KIF1C: variants seen among roughly 807,000 people sequenced by gnomAD.
KIF1C encodes kinesin family member 1C, also known as kinesin-like protein KIF1C.
In KIF1C, 61 loss-of-function variants were observed where a neutral mutation model predicts 126.5. That is an observed-to-expected ratio of 0.48 (90% confidence interval 0.39 to 0.60). The LOEUF (loss-of-function observed/expected upper bound fraction) is 0.60, where lower values mean the gene tolerates loss of function less well. Among genes scored for constraint, KIF1C ranks in the 20% least tolerant of loss-of-function variants. KIF1C has a pLI of 0.00. For synonymous variants in KIF1C, 640 were observed against 580.6 expected, an observed-to-expected ratio of 1.10 and a Z score of -1.47; for missense variants, 1,315 against 1,489.2, an observed-to-expected ratio of 0.88 and a Z score of 1.93.
In KIF1C at chr17:5,023,733, C is replaced by T; in HGVS notation, c.2894C>T (p.Pro965Leu). Residue 965 changes from proline (P) to leucine (L), a missense_variant, in exon 23 of 23, where the codon CCC (proline) becomes CTC (leucine). By Grantham distance (98) the Pro-to-Leu change is moderately conservative. Around this residue, in one of 2 missense-constraint regions of KIF1C, gnomAD observed 441 missense variants for 436.1 expected, o/e 1.01. Coordinates refer to ENST00000320785, the MANE Select transcript of KIF1C (RefSeq NM_006612.6). The surrounding 1 kb of genome is among the most constrained non-coding windows in gnomAD (Gnocchi z 4.2). Reference sequence around the variant, plus strand: ...GGCCGGGGCGGGGGGCTGCGCAGGCCCCCAGCCCGCTTTGTGCCCCCTCAC... The same window carrying T: ...GGCCGGGGCGGGGGGCTGCGCAGGCTCCCAGCCCGCTTTGTGCCCCCTCAC... ...SGGRGGGLRR[P>L]PARFVPPHDC... is the part of the protein sequence containing the mutation. 1 of 1,527,906 alleles carries T rather than the reference C, an allele frequency of 6.5e-7. No homozygotes were observed. Among genetic ancestry groups the T allele is most frequent in the Non-Finnish European group, 8.8e-7 (1 of 1,140,424 alleles). 94.6% of individuals were successfully genotyped at this position (1,527,906 alleles called of 1,614,324 possible). A position where few individuals can be genotyped will look rare whatever the true frequency, so the allele number is the denominator to read the frequency against.
chr17:5,024,037 A>G lies in KIF1C; in HGVS notation c.3198A>G (p.Gln1066=), dbSNP rs143972053. 665 of 1,594,134 alleles carry G rather than the reference A, an allele frequency of 4.2e-4. 1 individual carries two copies. The highest frequency in any genetic ancestry group is 5.3e-4 in the Non-Finnish European group (624 of 1,169,604). The stretch of plus-strand genomic sequence containing the variant: ...ACAACTCTTATCCCCAGCCACCCCA[A>G]CCCTACCCAGCCCAGCGGCCCCCAG... ...KKHNSYPQPP[Q]PYPAQRPPGP... is the part of the protein sequence containing the mutation. The change falls in exon 23 of 23, where the codon CAA becomes CAG. Residue 1066 remains glutamine, a synonymous_variant. Transcript: ENST00000320785.
intron 8 of KIF1C, 58 bp from the exon 9 acceptor site, chr17:5,003,545 CTTCCCTGAT>C (rs1974654446): frequency 8.7e-7 from 1 of 1,154,754 alleles, no homozygotes; most frequent in Admixed American, 2.2e-5. Context: ...CTGCTGGGTG[CTTCCCTGAT>C]TTCCCTGCCC....
In KIF1C at chr17:5,026,882, A is replaced by T. The variant is rs1167300203; in HGVS notation, c.*2731A>T. 6.7e-6 allele frequency: 1 copy of T among 150,370 alleles called. No homozygotes were observed. Among genetic ancestry groups the T allele is most frequent in the Non-Finnish European group, 1.5e-5 (1 of 67,616 alleles). 9.3% of individuals were successfully genotyped at this position (150,370 alleles called of 1,614,324 possible). On this transcript the variant is annotated 3_prime_UTR_variant, in exon 23 of 23. Transcript: ENST00000320785. ...GTGGGAGCATCACTTGAGGCCAGGAATTTGAGACCAGCCTGGGCAACATAG... is the reference window on the plus strand; with the variant it reads ...GTGGGAGCATCACTTGAGGCCAGGATTTTGAGACCAGCCTGGGCAACATAG...
Position 5,000,222 on chromosome 17 carries a change from G to C in KIF1C, c.-25G>C. The C allele has an allele frequency of 6.6e-7, 1 of 1,510,652 alleles. No homozygotes were observed. Among genetic ancestry groups the C allele is most frequent in the Non-Finnish European group, 9.0e-7 (1 of 1,108,138 alleles). 93.6% of individuals were successfully genotyped at this position (1,510,652 alleles called of 1,614,324 possible). On this transcript the variant is annotated splice_region_variant and 5_prime_UTR_variant, in exon 3 of 23. It removes the in-frame stop codon of an upstream open reading frame in the 5' UTR. Coordinates refer to ENST00000320785, the MANE Select transcript of KIF1C (RefSeq NM_006612.6). ...CCACTCCTTTCTCTGTCCTCCAGCT[G>C]AGGAGGGCAGGAGTGTCTGGAGCTA...
At position 4,998,369 on chromosome 17, in the gene KIF1C, G is replaced by GC. The variant is rs1974446549; in HGVS notation, c.-149+214dup. On this transcript the variant is annotated intron_variant, in intron 1 of 22. Coordinates refer to ENST00000320785, the MANE Select transcript of KIF1C (RefSeq NM_006612.6). ...CCGCATGGCCGCCCTGAGAGGCCGG[G>GC]CGGGGACCTGTGTGAGAACCGCCGG... Among the ~76,000 whole-genome samples the GC allele has an allele frequency of 5.3e-5, 8 of 152,218 alleles. No individual in the cohort carries two copies. The South Asian group carries it at 1.7e-3, about 31-fold the overall frequency.
At chr17:5,012,331 G>A (rs1974883886) in intron 16 of KIF1C, among the ~76,000 whole-genome samples, 1 of 152,008 alleles carries the variant, frequency 6.6e-6, no homozygotes, top group Non-Finnish European at 1.5e-5. Context: ...AGACAGACTG[G>A]GAGGAACGTG....
At position 5,024,122 on chromosome 17, in the gene KIF1C, G is replaced by A. The variant is rs867276857; in HGVS notation, c.3283G>A (p.Asp1095Asn). 4 of 1,610,528 alleles carry A rather than the reference G, an allele frequency of 2.5e-6. No individual in the cohort carries two copies. In the African/African-American group the frequency reaches 4.0e-5, roughly 16 times the overall value. The change falls in exon 23 of 23, where the codon GAC becomes AAC. Residue 1095 changes from aspartate (D) to asparagine (N), a missense_variant. Asp to Asn is a conservative substitution (Grantham distance 23). This residue lies in a region of KIF1C where 441 missense variants were observed against 436.1 expected (regional missense o/e 1.01). Transcript: ENST00000320785. Reference sequence around the variant, plus strand: ...AATGAGACGGCAGCGTTCTGCCCCTGACCTCAAGGAGAGTGGGGCAGCTGT... The same window carrying A: ...AATGAGACGGCAGCGTTCTGCCCCTAACCTCAAGGAGAGTGGGGCAGCTGT... ...PRMRRQRSAP[D>N]LKESGAAV
chr17:5,001,014 C>T lies in KIF1C; in HGVS notation c.183+166C>T, dbSNP rs557714540. Among the ~76,000 whole-genome samples, 38 of 151,914 alleles carry T rather than the reference C, an allele frequency of 2.5e-4. No homozygotes were observed. The Middle Eastern group carries it at 0.01, about 41-fold the overall frequency. On this transcript the variant is annotated intron_variant, in intron 4 of 22. Coordinates refer to ENST00000320785, the MANE Select transcript of KIF1C (RefSeq NM_006612.6). ...GACCCTTAGGCTGTGATTGAGGCCT[C>T]GACAGGAAGGCGGAATCCCTTGGGG...
chr17:4,997,971 C>T lies in KIF1C; in HGVS notation c.-334C>T, dbSNP rs1974422807. ...CCCCAGCTCGCGCTGCCCGGGCGGG[C>T]GCCGGCCGCTGGCGCCGCTACTGCT... On this transcript the variant is annotated 5_prime_UTR_variant, in exon 1 of 23. Transcript: ENST00000320785. 1 of 147,768 alleles carries T rather than the reference C, an allele frequency of 6.8e-6. No homozygotes were observed. The highest frequency in any genetic ancestry group is 2.1e-4 in the South Asian group (1 of 4,832). 9.2% of individuals were successfully genotyped at this position (147,768 alleles called of 1,614,324 possible). A position where few individuals can be genotyped will look rare whatever the true frequency, so the allele number is the denominator to read the frequency against.
intron 16 of KIF1C, among the ~76,000 whole-genome samples, chr17:5,008,072 TG>T (rs1974775656): frequency 6.6e-6 from 1 of 151,944 alleles, no homozygotes; most frequent in South Asian, 2.1e-4. Context: ...TTGGGAAGTA[TG>T]GAGGAGTAGG....
At chr17:5,014,944 A>G (rs2143359366) in intron 18 of KIF1C, 107 bp downstream of exon 18, 4 of 866,712 alleles carry the variant, frequency 4.6e-6, no homozygotes, top group Non-Finnish European at 7.3e-6. Flanking sequence ...GTGCAGCCAT[A>G]TAAAGAGGGG....
rs1975063828 is a variant in KIF1C, at chr17:5,020,435, G to C, written c.1751-57G>C. On this transcript the variant is annotated intron_variant, in intron 19 of 22. Coordinates refer to ENST00000320785, the MANE Select transcript of KIF1C (RefSeq NM_006612.6). This position sits in a 1 kb window ranked among gnomAD's most constrained non-coding sequence, Gnocchi z 5.8. ...CCAGATTCTCTATGCCTTGGGTGTA[G>C]GGATGGATTTGGTGCTGATGGGAAG... 4.6e-6 allele frequency: 7 copies of C among 1,512,478 alleles called. No individual in the cohort carries two copies. The highest frequency in any genetic ancestry group is 6.3e-6 in the Non-Finnish European group (7 of 1,110,556). 93.7% of individuals were successfully genotyped at this position (1,512,478 alleles called of 1,614,324 possible).
chr17:4,998,810 G>T (rs1974473763), intron 1 of KIF1C, among the ~76,000 whole-genome samples: 1 of 152,132 alleles, frequency 6.6e-6, no homozygotes, highest in Admixed American at 6.5e-5. Flanking sequence ...AGGGGGCTCC[G>T]CATCCCTTAT....
At chr17:5,021,169 GT>G (rs765920431) in intron 21 of KIF1C, among the ~76,000 whole-genome samples, 11,709 of 77,150 alleles carry the variant, frequency 0.15, 212 homozygotes, top group Middle Eastern at 0.26. Flanking sequence ...GATTGTTGTG[GT>G]TTTTTTTTTT....
At chr17:5,003,378 C>A (rs544318045) in intron 8 of KIF1C, among the ~76,000 whole-genome samples, 1 of 152,164 alleles carries the variant, frequency 6.6e-6, no homozygotes, top group African/African-American at 2.4e-5. Flanking sequence ...GGGCTTGGAT[C>A]CCCTGTGTGT....
Position 5,007,064 on chromosome 17 carries a change from G to A in KIF1C, c.1315G>A (p.Glu439Lys), listed in dbSNP as rs1178143401. ...CACGGAGTCCCAGATTGGGCCTGAG[G>A]AAGCCATGGAGAGGCTGCAGGTGGG... Reference protein sequence around the residue: ...PNTESQIGPEEAMERLQETEK... With the variant: ...PNTESQIGPEKAMERLQETEK... Residue 439 changes from glutamate (E) to lysine (K), a missense_variant, in exon 14 of 23, where the codon GAA becomes AAA. Transcript: ENST00000320785. 1.3e-6 allele frequency: 2 copies of A among 1,598,220 alleles called. No homozygotes were observed. Among genetic ancestry groups the A allele is most frequent in the Non-Finnish European group, 1.7e-6 (2 of 1,174,934 alleles).
intron 18 of KIF1C, among the ~76,000 whole-genome samples, chr17:5,017,196 G>A (rs1474296661): frequency 2.0e-5 from 3 of 152,004 alleles, no homozygotes; most frequent in South Asian, 2.1e-4. Context: ...GATGACACCC[G>A]TGTGCAAGAC....
rs747803116 is a variant in KIF1C at position 5,022,505 on chromosome 17, CGAG to C, written c.2430_2432del (p.Glu811del). On this transcript the variant is annotated inframe_deletion, in exon 22 of 23. Transcript: ENST00000320785. The surrounding 1 kb of genome is among the most constrained non-coding windows in gnomAD (Gnocchi z 4.9). ...CCCGGGATGTCTGGGACACTGTAGG[CGAG>C]GAGGAAGGAGGTGGAGCTGGCAGTG... The C allele has an allele frequency of 3.1e-6, 5 of 1,587,380 alleles. No individual in the cohort carries two copies. In the South Asian group the frequency reaches 5.7e-5, roughly 18 times the overall value.
chr17:5,002,174 G>A, intron 6 of KIF1C, 50 bp downstream of exon 6: 1 of 1,521,544 alleles, frequency 6.6e-7, no homozygotes, highest in Non-Finnish European at 9.1e-7. Context: ...GACTGCTGAG[G>A]GCTGTCGCTG....
Sources: gnomAD v4.1 joint callset for allele counts (sites outside exome capture counted in the v4.1 genomes callset) on GRCh38, gnomAD v4.1.1 for gene constraint, gnomAD v4.1.1 regional missense constraint, Gnocchi (gnomAD v3.1) non-coding constraint, MANE v1.5 for transcripts, NCBI Gene and HGNC (gene_info 2026-07-23, HGNC 2026-07-21) for gene names.